The following GRID2 variants were observed in gnomAD, a reference collection of about 807,000 sequenced individuals.
GRID2 encodes glutamate receptor ionotropic, delta-2.
Under a neutral mutation model 114.8 loss-of-function variants are expected in GRID2, and 33 were observed. The observed-to-expected ratio is 0.29, with a 90% CI of 0.22 to 0.38. GRID2 has a LOEUF of 0.38. Among genes scored for constraint, GRID2 ranks in the 10% least tolerant of loss-of-function variants. The probability of loss-of-function intolerance (pLI) is 1.00; values close to 1 mark genes in which losing one functional copy is unlikely to be tolerated. For synonymous variants in GRID2, 505 were observed against 449.9 expected (o/e 1.12, Z -1.55); for missense variants, 1,184 against 1,257.7 (o/e 0.94, Z 0.89).
At chr4:92,831,988 G>A (rs1389999951) in intron 2 of GRID2, among the ~76,000 whole-genome samples, 1 of 151,986 alleles carries the variant, frequency 6.6e-6, no homozygotes, top group East Asian at 1.9e-4. Flanking sequence ...ATAAAAGACT[G>A]TTTCAGCAAT....
Position 93,369,628 on chromosome 4 carries a change from A to C in GRID2, c.1246-25979A>C, listed in dbSNP as rs1377304435. ...CTCAGCCTCCCAAGTAGTTTAGAGG[A>C]CAGGTGCATGCCACCACACACAGCT... On this transcript the variant is annotated intron_variant, in intron 8 of 15. Transcript: ENST00000282020. Among the ~76,000 whole-genome samples, 6 of 152,212 alleles carry C rather than the reference A, an allele frequency of 3.9e-5. No individual in the cohort carries two copies. The East Asian group carries it at 1.2e-3, about 30-fold the overall frequency.
intron 2 of GRID2, among the ~76,000 whole-genome samples, chr4:93,078,216 T>G (rs1041645385): frequency 7.9e-5 from 12 of 152,302 alleles, no homozygotes; most frequent in Admixed American, 3.3e-4. Context: ...TTCGTCAAGG[T>G]AACCTCCATC....
chr4:92,852,187 G>A lies in GRID2; in HGVS notation c.245-232808G>A, dbSNP rs138392996. On this transcript the variant is annotated intron_variant, in intron 2 of 15. Transcript: ENST00000282020. ...AGGGGGGTGTATTTGTGGCATTTAA[G>A]GCAGGATAGAGATGTGTAAGGGAGG... Among the ~76,000 whole-genome samples, 897 of 151,982 alleles carry A rather than the reference G, an allele frequency of 5.9e-3. 17 individuals are homozygous for A. Among genetic ancestry groups the A allele is most frequent in the African/African-American group, 0.02 (851 of 41,516 alleles).
At chr4:92,649,804 G>A (rs1164561131) in intron 2 of GRID2, among the ~76,000 whole-genome samples, 5 of 151,894 alleles carry the variant, frequency 3.3e-5, no homozygotes, top group East Asian at 1.9e-4. Context: ...TTGATATCTC[G>A]TAACTTAGAA....
intron 2 of GRID2, among the ~76,000 whole-genome samples, chr4:93,024,516 T>G (rs1400253859): frequency 6.6e-6 from 1 of 151,756 alleles, no homozygotes; most frequent in Non-Finnish European, 1.5e-5. Context: ...TTTAAAATCT[T>G]TATAGTTTAG....
intron 1 of GRID2, among the ~76,000 whole-genome samples, chr4:92,402,542 G>A (rs1321393450): frequency 2.6e-5 from 4 of 152,180 alleles, no homozygotes; most frequent in Non-Finnish European, 1.5e-5. Flanking sequence ...GTCCATCAGA[G>A]CTCTTGGATG....
chr4:93,338,047 A>C (rs1198824758), intron 8 of GRID2, among the ~76,000 whole-genome samples: 1 of 152,196 alleles, frequency 6.6e-6, no homozygotes, highest in Non-Finnish European at 1.5e-5. Flanking sequence ...CTCCAGGTTT[A>C]GTCCCAATAA....
intron 11 of GRID2, among the ~76,000 whole-genome samples, chr4:93,476,736 A>G (rs1185508409): frequency 2.0e-5 from 3 of 152,126 alleles, no homozygotes; most frequent in Admixed American, 2.0e-4. Context: ...GAAACAATAC[A>G]TGTGATGGGA....
In GRID2 at chr4:92,879,194, T is replaced by C. The variant is rs1437928168; in HGVS notation, c.245-205801T>C. 2.6e-5 allele frequency among the ~76,000 whole-genome samples: 4 copies of C among 152,248 alleles called. No homozygotes were observed. The East Asian group carries it at 7.7e-4, about 29-fold the overall frequency. On this transcript the variant is annotated intron_variant, in intron 2 of 15. Transcript: ENST00000282020. ...TTCAAAACTGTTAATGATACTATCT[T>C]TCTAAGTATATATATTTTTAAAAGT...
intron 2 of GRID2, among the ~76,000 whole-genome samples, chr4:93,074,945 C>G (rs749191165): frequency 6.6e-6 from 1 of 152,110 alleles, no homozygotes; most frequent in Non-Finnish European, 1.5e-5. Context: ...CTGAATATGC[C>G]TGTATATGTT....
intron 8 of GRID2, among the ~76,000 whole-genome samples, chr4:93,307,188 C>A (rs57344246): frequency 0.037 from 5,310 of 145,284 alleles, 341 homozygotes; most frequent in African/African-American, 0.13. Context: ...GGCTACAGAG[C>A]GAGACTCCGT....
intron 2 of GRID2, among the ~76,000 whole-genome samples, chr4:92,643,788 T>A (rs1310968429): frequency 6.6e-6 from 1 of 151,774 alleles, no homozygotes; most frequent in Non-Finnish European, 1.5e-5. Context: ...ATTGTTTAAC[T>A]GTCATACATG....
intron 2 of GRID2, among the ~76,000 whole-genome samples, chr4:92,728,101 C>A (rs1349258320): frequency 6.6e-6 from 1 of 151,894 alleles, no homozygotes; most frequent in Non-Finnish European, 1.5e-5. Flanking sequence ...TCATGTAAAT[C>A]CTTAGATGGA....
At chr4:92,502,833 C>T (rs9991929) in intron 1 of GRID2, among the ~76,000 whole-genome samples, 2,902 of 150,796 alleles carry the variant, frequency 0.019, 107 homozygotes, top group African/African-American at 0.068. Flanking sequence ...ATCTCTTGCC[C>T]CAGCCTACTG....
intron 2 of GRID2, among the ~76,000 whole-genome samples, chr4:92,756,390 C>T (rs1357651481): frequency 6.6e-6 from 1 of 152,028 alleles, no homozygotes; most frequent in East Asian, 1.9e-4. Flanking sequence ...TGCGTAGTGC[C>T]GCAATAAACA....
chr4:93,088,403 A>T (rs1382101189), intron 3 of GRID2, among the ~76,000 whole-genome samples: 1 of 152,164 alleles, frequency 6.6e-6, no homozygotes, highest in Non-Finnish European at 1.5e-5. Context: ...GTATTACAAA[A>T]CATAGTCTTA....
intron 2 of GRID2, among the ~76,000 whole-genome samples, chr4:92,879,758 G>T (rs1302851785): frequency 6.6e-6 from 1 of 152,190 alleles, no homozygotes; most frequent in Non-Finnish European, 1.5e-5. Context: ...TCAACACAAT[G>T]TGCAGGAGAA....
chr4:92,610,106 C>T (rs1036322039), intron 2 of GRID2, among the ~76,000 whole-genome samples: 1 of 151,610 alleles, frequency 6.6e-6, no homozygotes, highest in African/African-American at 2.4e-5. Context: ...ATACAGAGGG[C>T]CAATGGAATG....
At chr4:93,161,885 A>G (rs377099377) in intron 4 of GRID2, among the ~76,000 whole-genome samples, 1 of 151,732 alleles carries the variant, frequency 6.6e-6, no homozygotes, top group African/African-American at 2.4e-5. Flanking sequence ...ATTAATATCT[A>G]TAGTTATTTC....
Sources: gnomAD v4.1 joint callset for allele counts (sites outside exome capture counted in the v4.1 genomes callset) on GRCh38, gnomAD v4.1.1 for gene constraint, MANE v1.5 for transcripts, NCBI Gene and HGNC (gene_info 2026-07-23, HGNC 2026-07-21) for gene names.